XYLT1: variants seen among roughly 807,000 people sequenced by gnomAD.
The protein encoded by XYLT1 is xylosyltransferase 1, also known as beta-D-xylosyltransferase 1.
A neutral mutation model predicts 91.3 loss-of-function variants in XYLT1; 36 were observed. The ratio of observed to expected loss-of-function variants is 0.39; its 90% CI spans 0.30 to 0.52. The LOEUF (loss-of-function observed/expected upper bound fraction) is 0.52. Among genes scored for constraint, XYLT1 ranks in the 20% least tolerant of loss-of-function variants. XYLT1 has a pLI of 0.68. For missense variants in XYLT1, 1,242 were observed against 1,284.5 expected (o/e 0.97, Z 0.51); for synonymous variants, 588 against 532.0 (o/e 1.11, Z -1.45).
chr16:17,313,744 A>G (rs2034586974), intron 2 of XYLT1, among the ~76,000 whole-genome samples: 1 of 151,966 alleles, frequency 6.6e-6, no homozygotes, highest in African/African-American at 2.4e-5. Flanking sequence ...GGTTCTGCCC[A>G]GACATGGAGC....
At chr16:17,341,800 T>C (rs1055207350) in intron 2 of XYLT1, among the ~76,000 whole-genome samples, 2 of 152,216 alleles carry the variant, frequency 1.3e-5, no homozygotes, top group African/African-American at 2.4e-5. Context: ...CTCTATCTCC[T>C]TTCAGAACAC....
chr16:17,157,709 A>G (rs1446424901), intron 6 of XYLT1, among the ~76,000 whole-genome samples: 2 of 152,068 alleles, frequency 1.3e-5, no homozygotes, highest in Non-Finnish European at 2.9e-5. Context: ...AGACCCCGGG[A>G]TGTCAGAGCC....
chr16:17,389,371 G>T (rs1267002139), intron 1 of XYLT1, among the ~76,000 whole-genome samples: 1 of 152,142 alleles, frequency 6.6e-6, no homozygotes, highest in Admixed American at 6.5e-5. Flanking sequence ...TCAGCCTCCT[G>T]AGTAGCGAGG....
At chr16:17,112,251 C>T (rs139424541) in intron 11 of XYLT1, among the ~76,000 whole-genome samples, 242 of 152,228 alleles carry the variant, frequency 1.6e-3, no homozygotes, top group African/African-American at 4.5e-3. Flanking sequence ...TTACCAGGGA[C>T]GCATCAATAG....
In XYLT1 at chr16:17,302,809, A is replaced by G. The variant is rs187309019; in HGVS notation, c.403-43311T>C. Among the ~76,000 whole-genome samples, 492 of 150,964 alleles carry G rather than the reference A, an allele frequency of 3.3e-3. 5 individuals carry two copies. The highest frequency in any genetic ancestry group is 0.011 in the African/African-American group (455 of 40,342). On this transcript the variant is annotated intron_variant, in intron 2 of 11. Transcript: ENST00000261381. Reference sequence around the variant, plus strand: ...CAAAAGGTTCCAGAAAAAAGCCACCACTGGCACAATAACGGGTTACTCAAT... The same window carrying G: ...CAAAAGGTTCCAGAAAAAAGCCACCGCTGGCACAATAACGGGTTACTCAAT...
chr16:17,294,800 G>A (rs1272732300), intron 2 of XYLT1, among the ~76,000 whole-genome samples: 1 of 152,096 alleles, frequency 6.6e-6, no homozygotes, highest in South Asian at 2.1e-4. Context: ...GGGTCGTTTG[G>A]GGCAGGTACA....
chr16:17,319,566 C>A (rs2034686131), intron 2 of XYLT1, among the ~76,000 whole-genome samples: 1 of 152,036 alleles, frequency 6.6e-6, no homozygotes, highest in Non-Finnish European at 1.5e-5. Flanking sequence ...ACTCAGCCTC[C>A]CAAATAGGTA....
At chr16:17,218,988 G>T (rs1567327920) in intron 3 of XYLT1, among the ~76,000 whole-genome samples, 1 of 152,160 alleles carries the variant, frequency 6.6e-6, no homozygotes, top group Non-Finnish European at 1.5e-5. Flanking sequence ...ACTTATTTGA[G>T]AAATAATTAT....
chr16:17,174,654 C>G (rs568150994), intron 5 of XYLT1, among the ~76,000 whole-genome samples: 89 of 152,276 alleles, frequency 5.8e-4, no homozygotes, highest in South Asian at 1.7e-3. Context: ...TTAATGGGTA[C>G]AGGTTTTCCT....
intron 9 of XYLT1, among the ~76,000 whole-genome samples, chr16:17,131,105 G>A (rs543840966): frequency 5.3e-5 from 8 of 152,244 alleles, no homozygotes; most frequent in South Asian, 4.1e-4. Flanking sequence ...TGAATTCTCC[G>A]TGCCTAACAC....
chr16:17,437,029 C>T (rs990664881), intron 1 of XYLT1, among the ~76,000 whole-genome samples: 1 of 152,166 alleles, frequency 6.6e-6, no homozygotes, highest in African/African-American at 2.4e-5. Flanking sequence ...GATCCACCTG[C>T]ATTAGCTCAT....
rs112216252 is a variant in XYLT1 at position 17,135,563 on chromosome 16, C to CAAAA, written c.1765-832_1765-829dup. ...GAGTCAATAGCTCTGGAGTGTAGCT[C>CAAAA]AAAAAAAAAAAAAAAAAATTCCCAG... On this transcript the variant is annotated intron_variant, in intron 8 of 11. Transcript: ENST00000261381. Among the ~76,000 whole-genome samples the CAAAA allele has an allele frequency of 5.8e-3, 683 of 117,072 alleles. 14 individuals are homozygous for CAAAA. The highest frequency in any genetic ancestry group is 0.055 in the East Asian group (240 of 4,366). The allele number at this position is 117,072 out of a possible 152,430, so 76.8% of individuals were successfully genotyped here. A position where few individuals can be genotyped will look rare whatever the true frequency, so the allele number is the denominator to read the frequency against.
rs2036259613 is a variant in XYLT1, at chr16:17,422,243, C to T, written c.363+48191G>A. Among the ~76,000 whole-genome samples the T allele has an allele frequency of 2.0e-5, 3 of 152,168 alleles. No individual in the cohort carries two copies. The South Asian group carries it at 6.2e-4, about 32-fold the overall frequency. ...GTGGGGTCTCGCTCTGTCACCCAGG[C>T]TGGAATGCAGTAACATGATCATAGA... On this transcript the variant is annotated intron_variant, in intron 1 of 11. Transcript: ENST00000261381.
intron 1 of XYLT1, among the ~76,000 whole-genome samples, chr16:17,462,572 T>C (rs1033526709): frequency 2.0e-5 from 3 of 152,198 alleles, no homozygotes; most frequent in Admixed American, 6.5e-5. Context: ...TGCATGTTTA[T>C]TGAGGTAACT....
chr16:17,299,255 T>C (rs746648382), intron 2 of XYLT1, among the ~76,000 whole-genome samples: 7 of 152,178 alleles, frequency 4.6e-5, no homozygotes, highest in Non-Finnish European at 1.0e-4. Context: ...TCCAGCTCCA[T>C]GCCTTTATCA....
intron 3 of XYLT1, among the ~76,000 whole-genome samples, chr16:17,234,891 T>C (rs989681704): frequency 2.6e-5 from 4 of 152,130 alleles, no homozygotes; most frequent in African/African-American, 4.8e-5. Context: ...GCTATAGTAA[T>C]GAATACGACC....
intron 1 of XYLT1, among the ~76,000 whole-genome samples, chr16:17,436,597 C>G (rs1453659596): frequency 6.6e-6 from 1 of 152,146 alleles, no homozygotes. Context: ...CGAGGTCATT[C>G]TATAAAAATG....
intron 2 of XYLT1, among the ~76,000 whole-genome samples, chr16:17,335,296 A>G (rs1162287392): frequency 1.3e-5 from 2 of 152,166 alleles, no homozygotes; most frequent in Non-Finnish European, 2.9e-5. Flanking sequence ...CCAACATATG[A>G]GGCAGCCCCT....
rs138879762 is a variant in XYLT1 at position 17,327,361 on chromosome 16, CTTTTTTTTTTT to C, written c.402+30640_402+30650del. ...ACAACTTCCTTTTCTTTTCTTTTTT[CTTTTTTTTTTT>C]TTTTTTTTGAGATAGAGTCTCGCTC... On this transcript the variant is annotated intron_variant, in intron 2 of 11. Transcript: ENST00000261381. 5.8e-4 allele frequency among the ~76,000 whole-genome samples: 63 copies of C among 108,080 alleles called. 1 individual carries two copies. The South Asian group carries it at 8.6e-3, about 15-fold the overall frequency. 70.9% of individuals were successfully genotyped at this position (108,080 alleles called of 152,430 possible).
Sources: gnomAD v4.1 joint callset for allele counts (sites outside exome capture counted in the v4.1 genomes callset) on GRCh38, gnomAD v4.1.1 for gene constraint, MANE v1.5 for transcripts, NCBI Gene and HGNC (gene_info 2026-07-23, HGNC 2026-07-21) for gene names.